Variants in ZNF365 observed in about 807,000 individuals in gnomAD.
ZNF365 encodes the protein zinc finger protein 365, also known as protein ZNF365.
ZNF365 carries 22 observed loss-of-function variants against 35.0 expected under a neutral mutation model. The observed-to-expected ratio is 0.63, with a 90% CI of 0.45 to 0.90. The LOEUF is 0.90. ZNF365 is among the 40% of genes least tolerant of loss of function. The pLI, the probability that ZNF365 is intolerant of heterozygous loss-of-function variation, is 0.00. For missense variants in ZNF365, 448 were observed against 500.3 expected (o/e 0.90, Z 1.00); for synonymous variants, 188 against 196.2 (o/e 0.96, Z 0.35).
At chr10:62,441,419 G>C (rs1361175200) in intron 3 of ZNF365, among the ~76,000 whole-genome samples, 1 of 152,024 alleles carries the variant, frequency 6.6e-6, no homozygotes, top group Non-Finnish European at 1.5e-5. Context: ...AAGAACACAG[G>C]GGCCATCTAG....
At chr10:62,381,597 T>C (rs1335944509) in intron 2 of ZNF365, among the ~76,000 whole-genome samples, 1 of 152,196 alleles carries the variant, frequency 6.6e-6, no homozygotes, top group Non-Finnish European at 1.5e-5. Context: ...TGACATCATT[T>C]ATTTTTCTGA....
chr10:62,421,509 C>A (rs1477591266), intron 3 of ZNF365, among the ~76,000 whole-genome samples: 1 of 152,068 alleles, frequency 6.6e-6, no homozygotes, highest in African/African-American at 2.4e-5. Context: ...AACCCAAGTC[C>A]GTATCACGTA....
At chr10:62,417,533 GAC>G in intron 3 of ZNF365, among the ~76,000 whole-genome samples, 1 of 152,002 alleles carries the variant, frequency 6.6e-6, no homozygotes, top group Non-Finnish European at 1.5e-5. Context: ...AAACCACTGG[GAC>G]ACTTGCTAAT....
intron 2 of ZNF365, among the ~76,000 whole-genome samples, chr10:62,383,942 A>G (rs931524049): frequency 3.9e-5 from 6 of 151,926 alleles, no homozygotes; most frequent in African/African-American, 9.7e-5. Context: ...CTGGATACCT[A>G]TCCATCTGAC....
chr10:62,405,463 C>G (rs139581867), downstream of ZNF365, among the ~76,000 whole-genome samples: 1 of 152,186 alleles, frequency 6.6e-6, no homozygotes, highest in African/African-American at 2.4e-5. Flanking sequence ...CCTTCTACAT[C>G]TCAGCCAATG....
At position 62,402,150 on chromosome 10, in the gene ZNF365, C is replaced by CT. The variant is rs1189659564; in HGVS notation, c.*2367dup. The CT allele has an allele frequency of 1.0e-6, 1 of 985,768 alleles. No individual in the cohort carries two copies. The highest frequency in any genetic ancestry group is 1.7e-5 in the African/African-American group (1 of 57,186). 61.1% of individuals were successfully genotyped at this position (985,768 alleles called of 1,614,324 possible). On this transcript the variant is annotated 3_prime_UTR_variant, in exon 5 of 5. Transcript: ENST00000395254. ...GTTGACCTTAGAGTTAAGGCGGTTGCTTTTTTGAAGAAATCACCAAAGTTT... is the reference window on the plus strand; with the variant it reads ...GTTGACCTTAGAGTTAAGGCGGTTGCTTTTTTTGAAGAAATCACCAAAGTTT...
At chr10:62,375,703 G>A (rs1395993385) in intron 1 of ZNF365, 11 of 162,418 alleles carry the variant, frequency 6.8e-5, no homozygotes, top group Admixed American at 1.7e-4. Flanking sequence ...AATGGGGCAC[G>A]GTTTTGCATT....
chr10:62,402,275 CT>C lies in ZNF365; in HGVS notation c.*2491del. 1 of 985,630 alleles carries C rather than the reference CT, an allele frequency of 1.0e-6. No homozygotes were observed. The allele number at this position is 985,630 out of a possible 1,614,324, so 61.1% of individuals were successfully genotyped here. A position where few individuals can be genotyped will look rare whatever the true frequency, so the allele number is the denominator to read the frequency against. ...TTGAACCGCTTTTCTTGCTTTTTCC[CT>C]TTTTCCCAAACTAGGTTACAGGTTC... is the stretch of plus-strand genomic sequence containing the variant. On this transcript the variant is annotated 3_prime_UTR_variant, in exon 5 of 5. Coordinates refer to ENST00000395254, the MANE Select transcript of ZNF365 (RefSeq NM_014951.3).
At chr10:62,385,072 A>G (rs1045718719) in intron 2 of ZNF365, among the ~76,000 whole-genome samples, 20 of 152,182 alleles carry the variant, frequency 1.3e-4, no homozygotes, top group African/African-American at 3.1e-4. Context: ...GATACCCTAC[A>G]CAATCTCAGT....
chr10:62,407,506 T>C (rs140549354), intron 3 of ZNF365, among the ~76,000 whole-genome samples: 48 of 152,144 alleles, frequency 3.2e-4, no homozygotes, highest in African/African-American at 1.2e-3. Flanking sequence ...CTTTTGACTT[T>C]TGACCCTCAC....
intron 3 of ZNF365, among the ~76,000 whole-genome samples, chr10:62,449,906 G>T (rs1840651587): frequency 6.6e-6 from 1 of 151,172 alleles, no homozygotes; most frequent in East Asian, 1.9e-4. Flanking sequence ...CAAAGTGAAT[G>T]AGGCAACTAA....
chr10:62,471,384 AT>A (rs911169700), intron 4 of ZNF365, among the ~76,000 whole-genome samples: 3 of 151,450 alleles, frequency 2.0e-5, no homozygotes, highest in African/African-American at 7.3e-5. Flanking sequence ...AAAAAAAAAA[AT>A]AGGTATTCTC....
At chr10:62,427,456 T>A (rs1164308910) in intron 3 of ZNF365, among the ~76,000 whole-genome samples, 1 of 152,202 alleles carries the variant, frequency 6.6e-6, no homozygotes, top group African/African-American at 2.4e-5. Context: ...GTGAGTACAC[T>A]CTATTTTGTT....
intron 3 of ZNF365, among the ~76,000 whole-genome samples, chr10:62,443,392 C>T (rs1346753417): frequency 6.6e-6 from 1 of 152,142 alleles, no homozygotes; most frequent in Non-Finnish European, 1.5e-5. Flanking sequence ...GGTCAGTGAC[C>T]CTTTCAAAGG....
chr10:62,391,481 T>G (rs931759095), intron 3 of ZNF365, among the ~76,000 whole-genome samples: 32 of 152,174 alleles, frequency 2.1e-4, no homozygotes, highest in African/African-American at 7.7e-4. Context: ...CACTTATGAG[T>G]GAGAACATAC....
At chr10:62,451,809 A>G (rs1304376913) in intron 3 of ZNF365, among the ~76,000 whole-genome samples, 3 of 152,196 alleles carry the variant, frequency 2.0e-5, no homozygotes, top group African/African-American at 7.2e-5. Flanking sequence ...AGCTGACGCC[A>G]CAGCCTCCTC....
chr10:62,475,902 G>T (rs1761100929), intron 4 of ZNF365, among the ~76,000 whole-genome samples: 1 of 152,146 alleles, frequency 6.6e-6, no homozygotes, highest in African/African-American at 2.4e-5. Flanking sequence ...GCAGACTCTT[G>T]GCTGCCTAAA....
chr10:62,385,830 C>T (rs1183661377), intron 2 of ZNF365, among the ~76,000 whole-genome samples: 1 of 152,044 alleles, frequency 6.6e-6, no homozygotes, highest in Non-Finnish European at 1.5e-5. Context: ...TTATATTTTC[C>T]TTAATATATG....
chr10:62,447,715 G>A (rs774773022), intron 3 of ZNF365, among the ~76,000 whole-genome samples: 3 of 152,126 alleles, frequency 2.0e-5, no homozygotes, highest in Non-Finnish European at 4.4e-5. Context: ...TTCTTTGCGG[G>A]GAATCACGCT....
Sources: gnomAD v4.1 joint callset for allele counts (sites outside exome capture counted in the v4.1 genomes callset) on GRCh38, gnomAD v4.1.1 for gene constraint, MANE v1.5 for transcripts, NCBI Gene and HGNC (gene_info 2026-07-23, HGNC 2026-07-21) for gene names.